Variants in KCNN2 observed in about 807,000 individuals in gnomAD.
KCNN2 encodes potassium calcium-activated channel subfamily N member 2.
A neutral mutation model predicts 55.5 loss-of-function variants in KCNN2; 24 were observed. That is an observed-to-expected ratio of 0.43 (90% CI 0.31 to 0.61). The LOEUF is 0.61. Ranked by LOEUF, KCNN2 falls within the 20% of genes least tolerant of loss-of-function variation. The probability of loss-of-function intolerance (pLI) is 0.08; values close to 1 mark genes in which losing one functional copy is unlikely to be tolerated. For missense variants in KCNN2, 754 were observed against 853.6 expected (o/e 0.88, Z 1.45); for synonymous variants, 431 against 336.1 (o/e 1.28, Z -3.09).
At chr5:114,385,980 C>T (rs1758270300) in intron 2 of KCNN2, among the ~76,000 whole-genome samples, 3 of 151,316 alleles carry the variant, frequency 2.0e-5, no homozygotes, top group Admixed American at 6.6e-5. Flanking sequence ...AAATCGAGAC[C>T]AGCCTGGCTA....
At chr5:114,229,620 T>G (rs116165461) in intron 2 of KCNN2, among the ~76,000 whole-genome samples, 6,657 of 152,082 alleles carry the variant, frequency 0.044, 230 homozygotes, top group Non-Finnish European at 0.067. Flanking sequence ...TAGTATGTAT[T>G]TAAAATATAT....
chr5:114,323,487 T>G (rs1756652618), intron 2 of KCNN2, among the ~76,000 whole-genome samples: 2 of 152,036 alleles, frequency 1.3e-5, no homozygotes, highest in Admixed American at 6.6e-5. Flanking sequence ...ACTAAAAAAG[T>G]AATGAGAAAA....
At position 114,076,467 on chromosome 5, in the gene KCNN2, A is replaced by G. The variant is rs149250886; in HGVS notation, c.-271+19967A>G. Among the ~76,000 whole-genome samples the G allele has an allele frequency of 4.0e-3, 615 of 152,316 alleles. 3 individuals carry two copies. The highest frequency in any genetic ancestry group is 0.02 in the Middle Eastern group (6 of 294). ...GATTTGAGAGCCAGAGGGGCCTTAA[A>G]CATCATGTATTTCAACTCTTCATTT... On this transcript the variant is annotated intron_variant, in intron 1 of 10. Coordinates refer to the KCNN2 transcript ENST00000512097.
intron 7 of KCNN2, 103 bp from the exon 8 acceptor site, chr5:114,495,792 C>G: frequency 9.1e-7 from 1 of 1,094,026 alleles, no homozygotes. Context: ...ACCCCTGTTA[C>G]ACTGAATGCC....
intron 1 of KCNN2, among the ~76,000 whole-genome samples, chr5:114,088,765 G>A (rs147999050): frequency 3.9e-5 from 6 of 152,040 alleles, no homozygotes; most frequent in East Asian, 3.9e-4. Flanking sequence ...GATTCTAGGC[G>A]TCTGCCACCA....
chr5:114,095,772 A>C (rs1751242523), intron 1 of KCNN2, among the ~76,000 whole-genome samples: 2 of 152,050 alleles, frequency 1.3e-5, no homozygotes, highest in African/African-American at 2.4e-5. Flanking sequence ...GCTGTAGTCT[A>C]CTTGCCTTAG....
upstream of KCNN2, among the ~76,000 whole-genome samples, chr5:114,360,017 A>G (rs772493894): frequency 6.6e-6 from 1 of 152,186 alleles, no homozygotes; most frequent in Non-Finnish European, 1.5e-5. Flanking sequence ...TTGAATTGCT[A>G]TTTTGAAGAT....
At chr5:114,128,287 C>A (rs1478692382) in intron 1 of KCNN2, among the ~76,000 whole-genome samples, 1 of 152,182 alleles carries the variant, frequency 6.6e-6, no homozygotes, top group Non-Finnish European at 1.5e-5. Flanking sequence ...AGGAAATTTA[C>A]AATCTTGATG....
rs552480197 is a variant in KCNN2, at chr5:114,279,040, C to T, written c.-185+57475C>T. 3.5e-4 allele frequency among the ~76,000 whole-genome samples: 53 copies of T among 152,012 alleles called. No individual in the cohort carries two copies. The South Asian group carries it at 0.011, about 32-fold the overall frequency. ...GTTCTCATTTTTTTTTGTTTTATTG[C>T]ATTGGCCCAAACTTTCATTATAATG... On this transcript the variant is annotated intron_variant, in intron 2 of 10. Transcript: ENST00000512097.
intron 2 of KCNN2, among the ~76,000 whole-genome samples, chr5:114,315,319 C>T (rs1302517424): frequency 2.6e-5 from 4 of 151,656 alleles, no homozygotes; most frequent in South Asian, 2.1e-4. Flanking sequence ...ATATAGGGCT[C>T]GTATTTATTT....
chr5:114,351,437 C>T (rs973699521), intron 2 of KCNN2, among the ~76,000 whole-genome samples: 1 of 151,682 alleles, frequency 6.6e-6, no homozygotes, highest in African/African-American at 2.4e-5. Context: ...CCTTTTGTTT[C>T]TTTTTATTAC....
At chr5:114,463,293 T>C (rs973746037) in intron 4 of KCNN2, 103 bp downstream of exon 4, 1 of 866,826 alleles carries the variant, frequency 1.2e-6, no homozygotes, top group East Asian at 2.6e-5. Flanking sequence ...TCTTTTCCCA[T>C]CAGCAGGAAA....
At chr5:114,299,260 T>TA (rs1756101592) in intron 2 of KCNN2, among the ~76,000 whole-genome samples, 1 of 152,084 alleles carries the variant, frequency 6.6e-6, no homozygotes, top group Non-Finnish European at 1.5e-5. Flanking sequence ...CATACACAAA[T>TA]ATCCTGTTGG....
intron 6 of KCNN2, among the ~76,000 whole-genome samples, chr5:114,492,980 T>C (rs368678313): frequency 5.9e-5 from 9 of 152,228 alleles, no homozygotes; most frequent in Admixed American, 4.6e-4. Flanking sequence ...ACAGGGCTAA[T>C]ACCTGTATCT....
At chr5:114,361,683 G>C (rs1277567343), upstream of KCNN2, among the ~76,000 whole-genome samples, 2 of 152,208 alleles carry the variant, frequency 1.3e-5, no homozygotes, top group Non-Finnish European at 2.9e-5. Flanking sequence ...TGCAGTGGCT[G>C]GCGCAGGTGA....
intron 2 of KCNN2, among the ~76,000 whole-genome samples, chr5:114,288,527 C>CACACACACACAT (rs1183585057): frequency 6.6e-6 from 1 of 151,478 alleles, no homozygotes; most frequent in African/African-American, 2.4e-5. Flanking sequence ...CACACACACA[C>CACACACACACAT]ACATACACAT....
At position 114,412,259 on chromosome 5, in the gene KCNN2, G is replaced by A. The variant is rs535177059; in HGVS notation, c.1637+7403G>A. Among the ~76,000 whole-genome samples, 26 of 152,218 alleles carry A rather than the reference G, an allele frequency of 1.7e-4. 1 individual carries two copies. Among genetic ancestry groups the A allele is most frequent in the South Asian group, 1.0e-3 (5 of 4,824 alleles). On this transcript the variant is annotated intron_variant, in intron 3 of 7. Transcript: ENST00000673685. The stretch of plus-strand genomic sequence containing the variant: ...TTAAAATGAATACCCTTGTTCCTGA[G>A]CACCAATAAAACAAAAAATAGGATG...
chr5:114,202,513 A>G (rs1388282285), intron 1 of KCNN2, among the ~76,000 whole-genome samples: 1 of 147,170 alleles, frequency 6.8e-6, no homozygotes, highest in Non-Finnish European at 1.5e-5. Context: ...ATATATATAT[A>G]TATAGCCTAA....
At chr5:114,256,328 T>TA (rs959142404) in intron 2 of KCNN2, among the ~76,000 whole-genome samples, 1 of 152,194 alleles carries the variant, frequency 6.6e-6, no homozygotes. Context: ...GGAAGAGTAC[T>TA]ACAATCAACA....
Sources: allele counts gnomAD v4.1 joint callset (sites outside exome capture counted in the v4.1 genomes callset), GRCh38; gene constraint gnomAD v4.1.1; transcripts MANE v1.5; gene names NCBI Gene and HGNC (gene_info 2026-07-23, HGNC 2026-07-21).